The following DIS3 variants were observed in gnomAD, a reference collection of about 807,000 sequenced individuals.
DIS3 encodes the protein DIS3 exosome endoribonuclease and 3'-5' exoribonuclease.
Under a neutral mutation model 113.0 loss-of-function variants are expected in DIS3, and 103 were observed. The ratio of observed to expected loss-of-function variants is 0.91; its 90% CI spans 0.78 to 1.07. DIS3 has a LOEUF of 1.07. Ranked by LOEUF, DIS3 falls within the 50% of genes least tolerant of loss-of-function variation. The pLI, the probability that DIS3 is intolerant of heterozygous loss-of-function variation, is 0.00. For synonymous variants in DIS3, 402 were observed against 394.3 expected (o/e 1.02, Z -0.23); for missense variants, 1,121 against 1,167.1 (o/e 0.96, Z 0.58).
intron 2 of DIS3, 117 bp downstream of exon 2, chr13:72,780,729 T>A: frequency 1.0e-6 from 1 of 993,712 alleles, no homozygotes; most frequent in Non-Finnish European, 1.5e-6. Context: ...AAGAATTAAA[T>A]AAGGTATGAA....
intron 8 of DIS3, 95 bp from the exon 9 acceptor site, chr13:72,772,934 T>C: frequency 7.7e-7 from 1 of 1,303,322 alleles, no homozygotes; most frequent in Non-Finnish European, 1.0e-6. Flanking sequence ...CTTCTCAGTA[T>C]TCCTAAATAT....
Position 72,757,609 on chromosome 13 carries a change from T to C in DIS3, c.*2186A>G, listed in dbSNP as rs1337909992. The C allele has an allele frequency of 1.2e-5, 2 of 165,408 alleles. No homozygotes were observed. The highest frequency in any genetic ancestry group is 4.8e-5 in the African/African-American group (2 of 41,834). The allele number at this position is 165,408 out of a possible 1,614,324, so 10.2% of individuals were successfully genotyped here. ...CCCAGCTAAGTTTTTGTATTTTTAG[T>C]AGAGACGGCGTTTTACCATGTTGGC... On this transcript the variant is annotated 3_prime_UTR_variant, in exon 21 of 21. Transcript: ENST00000377767.
At chr13:72,781,529 C>T in intron 1 of DIS3, 76 bp downstream of exon 1, 1 of 1,453,694 alleles carries the variant, frequency 6.9e-7, no homozygotes. Flanking sequence ...GACCCGCCTC[C>T]CTGGGCCTCA....
chr13:72,772,210 A>T lies in DIS3; in HGVS notation c.1452T>A (p.Thr484=). The T allele has an allele frequency of 6.2e-7, 1 of 1,613,608 alleles. No individual in the cohort carries two copies. Among genetic ancestry groups the T allele is most frequent in the Non-Finnish European group, 8.5e-7 (1 of 1,179,896 alleles). The change falls in exon 10 of 21, where the codon ACT becomes ACA. Residue 484 remains threonine, a synonymous_variant. Transcript: ENST00000377767. ...GACAATGTAGAGCATCGTCTATATC[A>T]GTACATCCTGGTGGGTCTACACTAC... ...CICSVDPPGC[T]DIDDALHCRE...
intron 1 of DIS3, chr13:72,781,403 C>CTACG (rs2034213245): frequency 6.5e-7 from 1 of 1,531,992 alleles, no homozygotes; most frequent in African/African-American, 1.4e-5. Flanking sequence ...CGTGTCTGAA[C>CTACG]TACGACTCCA....
At chr13:72,763,308 A>G (rs949127337) in intron 16 of DIS3, 143 bp downstream of exon 16, 9 of 1,127,520 alleles carry the variant, frequency 8.0e-6, no homozygotes, top group Non-Finnish European at 1.1e-5. Flanking sequence ...GTCTCAAAAA[A>G]AAAACCAAAA....
chr13:72,774,379 C>T (rs1189427386), intron 6 of DIS3, among the ~76,000 whole-genome samples: 1 of 152,160 alleles, frequency 6.6e-6, no homozygotes, highest in African/African-American at 2.4e-5. Flanking sequence ...AATACACACA[C>T]AGGTCTGGGA....
In DIS3 at chr13:72,756,910, CAG is replaced by C. The variant is rs2033490666; in HGVS notation, c.*2883_*2884del. ...GTATTTCTTCGTAGCAGTGTGAGAA[CAG>C]ACCATAAACCTCCATTTTCTCATCT... On this transcript the variant is annotated 3_prime_UTR_variant, in exon 21 of 21. Coordinates refer to ENST00000377767, the MANE Select transcript of DIS3 (RefSeq NM_014953.5). The C allele has an allele frequency of 6.6e-6, 1 of 152,176 alleles. No individual in the cohort carries two copies. The allele number at this position is 152,176 out of a possible 1,614,324, so 9.4% of individuals were successfully genotyped here.
At position 72,759,097 on chromosome 13, in the gene DIS3, T is replaced by C. The variant is rs190416409; in HGVS notation, c.*698A>G. The C allele has an allele frequency of 5.5e-6, 1 of 181,028 alleles. No individual in the cohort carries two copies. The highest frequency in any genetic ancestry group is 6.3e-5 in the Admixed American group (1 of 15,924). The allele number at this position is 181,028 out of a possible 1,614,324, so 11.2% of individuals were successfully genotyped here. On this transcript the variant is annotated 3_prime_UTR_variant, in exon 21 of 21. Transcript: ENST00000377767. ...TTTGTAAGTAACAAGATATAGACAT[T>C]TGAATGCCAATGTCTTATTCTGGAG... is the stretch of plus-strand genomic sequence containing the variant.
rs978535738 is a variant in DIS3 at position 72,767,551 on chromosome 13, T to C, written c.1883+1234A>G. ...TTCATATTTAAGATCACATAAAAAATTCCCTGAAAACTGAGGTGTTAGTAG... is the reference window on the plus strand; with the variant it reads ...TTCATATTTAAGATCACATAAAAAACTCCCTGAAAACTGAGGTGTTAGTAG... On this transcript the variant is annotated intron_variant, in intron 14 of 20. Coordinates refer to ENST00000377767, the MANE Select transcript of DIS3 (RefSeq NM_014953.5). Among the ~76,000 whole-genome samples, 7 of 152,128 alleles carry C rather than the reference T, an allele frequency of 4.6e-5. No homozygotes were observed. The East Asian group carries it at 1.4e-3, about 29-fold the overall frequency.
chr13:72,761,051 TA>T (rs1423920788), intron 19 of DIS3, among the ~76,000 whole-genome samples: 17 of 151,214 alleles, frequency 1.1e-4, no homozygotes, highest in Admixed American at 3.3e-4. Flanking sequence ...GAAGTAAGTT[TA>T]AAAAAAAAGT....
chr13:72,759,956 C>G, intron 20 of DIS3, 78 bp from the exon 21 acceptor site: 1 of 1,141,152 alleles, frequency 8.8e-7, no homozygotes, highest in Non-Finnish European at 1.3e-6. Context: ...CCCTTCCCCA[C>G]TGCCAGCTTC....
chr13:72,777,697 C>T (rs1052172912), intron 3 of DIS3, among the ~76,000 whole-genome samples: 1 of 152,044 alleles, frequency 6.6e-6, no homozygotes, highest in South Asian at 2.1e-4. Context: ...AAGCTACCTT[C>T]CTGCCTTAGC....
At chr13:72,763,290 G>A (rs1054884240) in intron 16 of DIS3, among the ~76,000 whole-genome samples, 161 bp downstream of exon 16, 3 of 151,718 alleles carry the variant, frequency 2.0e-5, no homozygotes, top group Non-Finnish European at 4.4e-5. Context: ...GGGTGACAGT[G>A]AGACCCTGTC....
chr13:72,756,576 C>T lies in DIS3; in HGVS notation c.*3219G>A, dbSNP rs1250050800. 1 of 152,166 alleles carries T rather than the reference C, an allele frequency of 6.6e-6. No homozygotes were observed. The highest frequency in any genetic ancestry group is 1.5e-5 in the Non-Finnish European group (1 of 68,052). 9.4% of individuals were successfully genotyped at this position (152,166 alleles called of 1,614,324 possible). On this transcript the variant is annotated 3_prime_UTR_variant, in exon 21 of 21. Transcript: ENST00000377767. ...GATATGGTATGGCTCTGTGTCCTCA[C>T]CCAAATCTAACCTTGAATTGTAGCA...
chr13:72,763,364 C>A, intron 16 of DIS3, 87 bp downstream of exon 16: 2 of 1,421,936 alleles, frequency 1.4e-6, no homozygotes, highest in Non-Finnish European at 1.9e-6. Context: ...AACAATAAAA[C>A]CTTTATGGAA....
At position 72,756,668 on chromosome 13, in the gene DIS3, TG is replaced by T. The variant is rs1213672366; in HGVS notation, c.*3126del. 1 of 152,164 alleles carries T rather than the reference TG, an allele frequency of 6.6e-6. No individual in the cohort carries two copies. The highest frequency in any genetic ancestry group is 1.5e-5 in the Non-Finnish European group (1 of 68,028). 9.4% of individuals were successfully genotyped at this position (152,164 alleles called of 1,614,324 possible). On this transcript the variant is annotated 3_prime_UTR_variant, in exon 21 of 21. Transcript: ENST00000377767. Reference sequence around the variant, plus strand: ...ATCATGGGGGCGGTTTCCTCCATGCTGTTCCTGTGATAGTGAGCCGGTCTCA... The same window carrying T: ...ATCATGGGGGCGGTTTCCTCCATGCTTTCCTGTGATAGTGAGCCGGTCTCA...
rs2033637626 is a variant in DIS3, at chr13:72,761,991, C to T, written c.2274G>A (p.Met758Ile). 3 of 1,613,966 alleles carry T rather than the reference C, an allele frequency of 1.9e-6. No individual in the cohort carries two copies. Among genetic ancestry groups the T allele is most frequent in the Admixed American group, 1.7e-5 (1 of 60,000 alleles). ...MMQAVYFCSGMDNDFHHYGLA... is the reference protein window; with the variant it reads ...MMQAVYFCSGIDNDFHHYGLA... Reference sequence around the variant, plus strand: ...AGCCATAGTGATGAAAATCATTATCCATTCCAGAACAGAAGTACACAGCTT... The same window carrying T: ...AGCCATAGTGATGAAAATCATTATCTATTCCAGAACAGAAGTACACAGCTT... The change falls in exon 17 of 21, where the codon ATG becomes ATA. Residue 758 changes from methionine to isoleucine, a missense_variant. Met to Ile is a conservative substitution (Grantham distance 10). Transcript: ENST00000377767.
intron 14 of DIS3, among the ~76,000 whole-genome samples, chr13:72,767,954 C>T (rs2033793006): frequency 6.6e-6 from 1 of 152,122 alleles, no homozygotes; most frequent in South Asian, 2.1e-4. Flanking sequence ...CTTCAACATG[C>T]CTGAGTTAAT....
Sources: allele counts gnomAD v4.1 joint callset (sites outside exome capture counted in the v4.1 genomes callset), GRCh38; gene constraint gnomAD v4.1.1; transcripts MANE v1.5; gene names NCBI Gene and HGNC (gene_info 2026-07-23, HGNC 2026-07-21).